The following TRAPPC9 variants were observed in gnomAD, a reference collection of about 807,000 sequenced individuals.
TRAPPC9 encodes trafficking protein particle complex subunit 9.
In TRAPPC9, 83 loss-of-function variants were observed where a neutral mutation model predicts 124.0. That is an observed-to-expected ratio of 0.67 (90% CI 0.56 to 0.80). The LOEUF (loss-of-function observed/expected upper bound fraction) is 0.80, where lower values mean the gene tolerates loss of function less well. TRAPPC9 is among the 30% of genes least tolerant of loss of function. The pLI is 0.00. For synonymous variants in TRAPPC9, 638 were observed against 617.5 expected, an observed-to-expected ratio of 1.03 and a Z score of -0.49; for missense variants, 1,302 against 1,508.3, an observed-to-expected ratio of 0.86 and a Z score of 2.27.
rs186841006 is a variant in TRAPPC9, at chr8:139,824,592, G to A, written c.3055+61287C>T. Among the ~76,000 whole-genome samples the A allele has an allele frequency of 2.2e-3, 338 of 152,076 alleles. 1 individual carries two copies. The highest frequency in any genetic ancestry group is 4.2e-3 in the South Asian group (20 of 4,802). ...TTTTATCTTTTGGCGACAGATTCTC[G>A]CTCTTTCACCCAGGCTGGAGTGCAG... is the stretch of plus-strand genomic sequence containing the variant. On this transcript the variant is annotated intron_variant, in intron 21 of 22. Transcript: ENST00000438773.
chr8:140,387,143 T>C (rs2068776216), intron 7 of TRAPPC9, among the ~76,000 whole-genome samples: 4 of 152,258 alleles, frequency 2.6e-5, no homozygotes, highest in Admixed American at 2.0e-4. Flanking sequence ...GATCCTTTCC[T>C]TACACCTTAT....
intron 9 of TRAPPC9, among the ~76,000 whole-genome samples, chr8:140,312,313 C>T (rs1429092468): frequency 1.3e-5 from 2 of 152,170 alleles, no homozygotes; most frequent in Non-Finnish European, 2.9e-5. Flanking sequence ...CAGAGGGACA[C>T]GATCGCCAGG....
intron 21 of TRAPPC9, among the ~76,000 whole-genome samples, chr8:139,739,032 C>T (rs1368331296): frequency 6.6e-6 from 1 of 152,166 alleles, no homozygotes; most frequent in African/African-American, 2.4e-5. Flanking sequence ...AGGCTAAGAT[C>T]ACATCATTCA....
At chr8:140,422,350 T>A (rs768955925) in intron 5 of TRAPPC9, among the ~76,000 whole-genome samples, 5 of 152,134 alleles carry the variant, frequency 3.3e-5, no homozygotes, top group African/African-American at 1.2e-4. Context: ...AATTTAAAAC[T>A]TGTATTGGCT....
At chr8:139,900,749 A>G (rs945749878) in intron 20 of TRAPPC9, among the ~76,000 whole-genome samples, 2 of 152,154 alleles carry the variant, frequency 1.3e-5, no homozygotes, top group Non-Finnish European at 2.9e-5. Flanking sequence ...TAGCAGTAAA[A>G]TATTTGGTAA....
intron 15 of TRAPPC9, among the ~76,000 whole-genome samples, chr8:140,261,381 T>C (rs924499046): frequency 6.6e-6 from 1 of 152,032 alleles, no homozygotes; most frequent in South Asian, 2.1e-4. Context: ...TAGGAAGAAA[T>C]GGTATCGGGG....
chr8:140,037,715 C>A (rs576899754), intron 17 of TRAPPC9, among the ~76,000 whole-genome samples: 1 of 111,462 alleles, frequency 9.0e-6, no homozygotes, highest in East Asian at 2.5e-4. Context: ...GACACACATA[C>A]ACCACACACC....
intron 18 of TRAPPC9, among the ~76,000 whole-genome samples, chr8:140,016,270 C>G (rs1312239540): frequency 6.6e-6 from 1 of 152,222 alleles, no homozygotes; most frequent in Admixed American, 6.5e-5. Context: ...ATACCCCTAT[C>G]AATATATGCA....
chr8:140,280,411 G>GT (rs1324711073), intron 14 of TRAPPC9, among the ~76,000 whole-genome samples: 1 of 152,038 alleles, frequency 6.6e-6, no homozygotes, highest in African/African-American at 2.4e-5. Flanking sequence ...GATACCTATT[G>GT]TTTTTTTGTT....
chr8:139,963,836 G>C (rs1183286921), intron 19 of TRAPPC9, among the ~76,000 whole-genome samples: 1 of 146,326 alleles, frequency 6.8e-6, no homozygotes, highest in Non-Finnish European at 1.5e-5. Flanking sequence ...TTAAAATACA[G>C]AAACAATGGA....
chr8:139,830,716 CACACACACAG>C (rs1446755051), intron 21 of TRAPPC9, among the ~76,000 whole-genome samples: 2 of 152,324 alleles, frequency 1.3e-5, no homozygotes, highest in South Asian at 2.1e-4. Flanking sequence ...TGCAAATACA[CACACACACAG>C]ACACACACCT....
intron 19 of TRAPPC9, among the ~76,000 whole-genome samples, chr8:139,953,423 G>T (rs1269475524): frequency 6.6e-6 from 1 of 152,184 alleles, no homozygotes; most frequent in African/African-American, 2.4e-5. Flanking sequence ...AACCCAGGAG[G>T]CAGAGTTGCA....
At chr8:140,044,948 G>A (rs997554466) in intron 17 of TRAPPC9, among the ~76,000 whole-genome samples, 1 of 152,204 alleles carries the variant, frequency 6.6e-6, no homozygotes, top group Non-Finnish European at 1.5e-5. Flanking sequence ...TAAGCCAAAG[G>A]TAAACTAGGA....
intron 19 of TRAPPC9, among the ~76,000 whole-genome samples, chr8:139,950,846 G>A (rs977465615): frequency 3.9e-5 from 6 of 152,222 alleles, no homozygotes; most frequent in African/African-American, 1.4e-4. Flanking sequence ...GTGAACACCA[G>A]CTCCGAAGGC....
intron 21 of TRAPPC9, among the ~76,000 whole-genome samples, chr8:139,833,517 CT>C (rs1826121723): frequency 6.6e-6 from 1 of 152,234 alleles, no homozygotes; most frequent in African/African-American, 2.4e-5. Flanking sequence ...ACCTGGCTGA[CT>C]TCAGAGGTTG....
At chr8:140,128,451 G>A (rs1368783756) in intron 17 of TRAPPC9, among the ~76,000 whole-genome samples, 3 of 152,254 alleles carry the variant, frequency 2.0e-5, no homozygotes, top group Non-Finnish European at 4.4e-5. Context: ...CTAATGGTCT[G>A]AGGTTAATGA....
chr8:140,405,717 A>G lies in TRAPPC9; in HGVS notation c.887-19T>C, dbSNP rs768375063. ...AGGGCACCTGCAAACCAAGAGGAAG[A>G]AAAGAAATAATCTTTTGCTTTTTCT... On this transcript the variant is annotated intron_variant, in intron 5 of 22. Coordinates refer to ENST00000438773, the MANE Select transcript of TRAPPC9 (RefSeq NM_001160372.4). 6.2e-7 allele frequency: 1 copy of G among 1,614,088 alleles called. No homozygotes were observed.
At chr8:139,891,179 T>C (rs1240808992) in intron 20 of TRAPPC9, among the ~76,000 whole-genome samples, 2 of 152,272 alleles carry the variant, frequency 1.3e-5, no homozygotes, top group Non-Finnish European at 2.9e-5. Context: ...GAATTGTTTT[T>C]CTTCCTTTGA....
intron 20 of TRAPPC9, among the ~76,000 whole-genome samples, chr8:139,892,633 T>C (rs576748087): frequency 6.6e-6 from 1 of 152,152 alleles, no homozygotes; most frequent in Non-Finnish European, 1.5e-5. Flanking sequence ...AACTGTACAG[T>C]GTATTCCAAA....
Sources: gnomAD v4.1 joint callset for allele counts (sites outside exome capture counted in the v4.1 genomes callset) on GRCh38, gnomAD v4.1.1 for gene constraint, MANE v1.5 for transcripts, NCBI Gene and HGNC (gene_info 2026-07-23, HGNC 2026-07-21) for gene names.